APBA2: variants seen among roughly 807,000 people sequenced by gnomAD.
APBA2 encodes amyloid beta precursor protein binding family A member 2.
A neutral mutation model predicts 75.0 loss-of-function variants in APBA2; 30 were observed. That is an observed-to-expected ratio of 0.40 (90% confidence interval 0.30 to 0.54). The LOEUF (loss-of-function observed/expected upper bound fraction) is 0.54. Among genes scored for constraint, APBA2 ranks in the 20% least tolerant of loss-of-function variants. The pLI is 0.49. For missense variants in APBA2, 801 were observed against 1,016.1 expected (o/e 0.79, Z 2.88); for synonymous variants, 444 against 409.6 (o/e 1.08, Z -1.01).
chr15:28,983,890 G>A (rs1595643670), intron 2 of APBA2, among the ~76,000 whole-genome samples: 1 of 152,210 alleles, frequency 6.6e-6, no homozygotes, highest in Non-Finnish European at 1.5e-5. Context: ...GCCACTCTGT[G>A]GTCCCCACCC....
intron 3 of APBA2, among the ~76,000 whole-genome samples, chr15:28,997,498 G>T (rs372556774): frequency 2.0e-5 from 3 of 152,148 alleles, no homozygotes; most frequent in Non-Finnish European, 4.4e-5. Context: ...TGGAGATTTT[G>T]ATTATCACCA....
In APBA2 at chr15:29,054,404, G is replaced by A. The variant is rs554784948; in HGVS notation, c.520G>A (p.Val174Ile). 91 of 1,614,094 alleles carry A rather than the reference G, an allele frequency of 5.6e-5. No individual in the cohort carries two copies. The South Asian group carries it at 8.0e-4, about 14-fold the overall frequency. The change falls in exon 4 of 15, where the codon GTC becomes ATC. Residue 174 changes from valine to isoleucine, a missense_variant. Coordinates refer to ENST00000683413, the MANE Select transcript of APBA2 (RefSeq NM_001353788.2). This position sits in a 1 kb window ranked among gnomAD's most constrained non-coding sequence, Gnocchi z 6.1. ...GCCCATTCCGGAGGATGAGCCCTCC[G>A]TCCTTGAGGCCCATGACCAGGAAGA... ...QLPIPEDEPSVLEAHDQEEDG... is the reference protein window; with the variant it reads ...QLPIPEDEPSILEAHDQEEDG...
rs553847198 is a variant in APBA2 at position 28,894,550 on chromosome 15, G to T, written c.-205+8272G>T. 4.6e-5 allele frequency among the ~76,000 whole-genome samples: 7 copies of T among 152,226 alleles called. No homozygotes were observed. In the South Asian group the frequency reaches 1.2e-3, roughly 27 times the overall value. ...GGCCAGAAGAGCCCTCCAGGCAAAG[G>T]GCCAGCCTGGAATGGGGCACCCTGG... On this transcript the variant is annotated intron_variant, in intron 1 of 14. Transcript: ENST00000683413.
intron 1 of APBA2, among the ~76,000 whole-genome samples, chr15:28,894,792 A>G (rs551324135): frequency 9.7e-4 from 148 of 151,860 alleles, no homozygotes; most frequent in Admixed American, 2.2e-3. Context: ...AGCGTGGGAG[A>G]AGGACGCCGT....
At chr15:28,933,557 G>A (rs1488343693) in intron 2 of APBA2, among the ~76,000 whole-genome samples, 32 of 152,238 alleles carry the variant, frequency 2.1e-4, no homozygotes, top group Admixed American at 2.1e-3. Context: ...CTCTTTGAAA[G>A]AGAGTGTGGG....
intron 3 of APBA2, among the ~76,000 whole-genome samples, chr15:29,021,364 C>T (rs2039946228): frequency 6.6e-6 from 1 of 152,094 alleles, no homozygotes; most frequent in Non-Finnish European, 1.5e-5. Flanking sequence ...CCCGTCTCTA[C>T]TAAAAATACA....
At chr15:28,896,883 T>C (rs2032524438) in intron 1 of APBA2, among the ~76,000 whole-genome samples, 4 of 152,310 alleles carry the variant, frequency 2.6e-5, no homozygotes. Flanking sequence ...CTGATTTTTG[T>C]CCCACCCATC....
chr15:29,073,053 A>G (rs944915906), intron 4 of APBA2, among the ~76,000 whole-genome samples: 1 of 152,198 alleles, frequency 6.6e-6, no homozygotes, highest in Non-Finnish European at 1.5e-5. Flanking sequence ...TTAGCCAGCA[A>G]TCATTCCAAC....
intron 13 of APBA2, among the ~76,000 whole-genome samples, chr15:29,109,794 G>T (rs2044631140): frequency 6.6e-6 from 1 of 152,256 alleles, no homozygotes; most frequent in Non-Finnish European, 1.5e-5. Flanking sequence ...CCCTCAAAAG[G>T]TGCTTGTGAA....
At chr15:28,973,891 G>A (rs537639377) in intron 2 of APBA2, among the ~76,000 whole-genome samples, 34 of 152,116 alleles carry the variant, frequency 2.2e-4, no homozygotes, top group Middle Eastern at 3.4e-3. Context: ...CCAAAGAAAT[G>A]CAAAAACAAA....
intron 1 of APBA2, among the ~76,000 whole-genome samples, chr15:28,900,673 G>A (rs1200101525): frequency 5.3e-5 from 8 of 152,214 alleles, no homozygotes; most frequent in Admixed American, 2.0e-4. Context: ...GCTTCCCTGC[G>A]TTTTGAGCCC....
chr15:29,016,001 G>A (rs1256791559), intron 3 of APBA2, among the ~76,000 whole-genome samples: 1 of 152,194 alleles, frequency 6.6e-6, no homozygotes, highest in Non-Finnish European at 1.5e-5. Flanking sequence ...GCTCACGCTT[G>A]TAATCCCAGC....
At chr15:29,088,396 C>T (rs757272088) in intron 6 of APBA2, among the ~76,000 whole-genome samples, 7 of 152,172 alleles carry the variant, frequency 4.6e-5, no homozygotes, top group Non-Finnish European at 1.0e-4. Context: ...CATCCAGGCT[C>T]CTGCCACTAA....
intron 2 of APBA2, among the ~76,000 whole-genome samples, chr15:28,962,341 G>A (rs890945382): frequency 6.6e-6 from 1 of 152,036 alleles, no homozygotes; most frequent in Non-Finnish European, 1.5e-5. Context: ...GGATGCAGAG[G>A]TGGGCAGTTC....
intron 3 of APBA2, among the ~76,000 whole-genome samples, chr15:29,036,509 T>C (rs2040760188): frequency 6.6e-6 from 1 of 152,024 alleles, no homozygotes; most frequent in South Asian, 2.1e-4. Flanking sequence ...GGTCGGGTGG[T>C]GGGTGAAGCT....
chr15:28,923,952 C>A (rs2034116677), intron 2 of APBA2, among the ~76,000 whole-genome samples: 1 of 152,216 alleles, frequency 6.6e-6, no homozygotes. Flanking sequence ...TTTCATTTCT[C>A]ATTCTTTGTT....
intron 2 of APBA2, among the ~76,000 whole-genome samples, chr15:28,978,789 C>G (rs1282525277): frequency 1.3e-5 from 2 of 152,198 alleles, no homozygotes; most frequent in Non-Finnish European, 2.9e-5. Flanking sequence ...GCACAGAGTT[C>G]CACAACTTGA....
At chr15:29,116,875 C>T (rs2045207457) in intron 14 of APBA2, among the ~76,000 whole-genome samples, 187 bp from the exon 15 acceptor site, 1 of 152,222 alleles carries the variant, frequency 6.6e-6, no homozygotes, top group African/African-American at 2.4e-5. Context: ...CCTGGAGTCT[C>T]AGTCTGCTGC....
At position 28,991,002 on chromosome 15, in the gene APBA2, T is replaced by C. The variant is rs1379045732; in HGVS notation, c.-94-4751T>C. Among the ~76,000 whole-genome samples, 2 of 152,242 alleles carry C rather than the reference T, an allele frequency of 1.3e-5. No homozygotes were observed. Among genetic ancestry groups the C allele is most frequent in the Admixed American group, 6.5e-5 (1 of 15,280 alleles). Reference sequence around the variant, plus strand: ...TGAGAGTCTTGAGGTTTGAGCTTTCTATTCTAAAGGCTCAGCTTCTTGCCC... The same window carrying C: ...TGAGAGTCTTGAGGTTTGAGCTTTCCATTCTAAAGGCTCAGCTTCTTGCCC... On this transcript the variant is annotated intron_variant, in intron 2 of 14. Coordinates refer to ENST00000683413, the MANE Select transcript of APBA2 (RefSeq NM_001353788.2). This position sits in a 1 kb window ranked among gnomAD's most constrained non-coding sequence, Gnocchi z 4.7.
Sources: allele counts gnomAD v4.1 joint callset (sites outside exome capture counted in the v4.1 genomes callset), GRCh38; gene constraint gnomAD v4.1.1; non-coding constraint Gnocchi (gnomAD v3.1); transcripts MANE v1.5; gene names NCBI Gene and HGNC (gene_info 2026-07-23, HGNC 2026-07-21).